Variants in LSAMP observed in about 807,000 individuals in gnomAD.
LSAMP encodes limbic system associated membrane protein.
In LSAMP, 7 loss-of-function variants were observed where a neutral mutation model predicts 38.6. The observed-to-expected ratio is 0.18, with a 90% CI of 0.10 to 0.34. LSAMP has a LOEUF of 0.34. Ranked by LOEUF, LSAMP falls within the 10% of genes least tolerant of loss-of-function variation. The pLI, the probability that LSAMP is intolerant of heterozygous loss-of-function variation, is 1.00. For missense variants in LSAMP, 313 were observed against 420.0 expected (o/e 0.75, Z 2.23); for synonymous variants, 154 against 166.8 (o/e 0.92, Z 0.59).
At chr3:116,087,067 A>G (rs992018703) in intron 1 of LSAMP, among the ~76,000 whole-genome samples, 1 of 152,208 alleles carries the variant, frequency 6.6e-6, no homozygotes, top group Admixed American at 6.5e-5. Context: ...TTGGGATGCC[A>G]CTTCCAGGAG....
rs538360906 is a variant in LSAMP, at chr3:115,856,157, T to TA, written c.515-3541dup. ...AGTTTGGCTCAGATTAGTCACTCCATAAATGTTTGTTGAGTTAGCTTGCTA... is the reference window on the plus strand; with the variant it reads ...AGTTTGGCTCAGATTAGTCACTCCATAAAATGTTTGTTGAGTTAGCTTGCTA... On this transcript the variant is annotated intron_variant, in intron 3 of 6. Transcript: ENST00000490035. 2.6e-3 allele frequency among the ~76,000 whole-genome samples: 391 copies of TA among 152,292 alleles called. 3 individuals carry two copies. The highest frequency in any genetic ancestry group is 4.5e-3 in the Non-Finnish European group (308 of 68,010).
At chr3:116,240,769 A>G (rs559353551) in intron 1 of LSAMP, among the ~76,000 whole-genome samples, 45 of 152,386 alleles carry the variant, frequency 3.0e-4, no homozygotes, top group Middle Eastern at 3.4e-3. Context: ...ATGAGAAGGC[A>G]ACAGTTTCAT....
intron 1 of LSAMP, among the ~76,000 whole-genome samples, chr3:116,194,185 A>G (rs1352316861): frequency 1.3e-5 from 2 of 152,124 alleles, no homozygotes; most frequent in African/African-American, 4.8e-5. Flanking sequence ...TTTCCATGTA[A>G]ACTAGTATAT....
intron 4 of LSAMP, among the ~76,000 whole-genome samples, chr3:115,847,475 A>G (rs1935195904): frequency 6.6e-6 from 1 of 152,192 alleles, no homozygotes; most frequent in Admixed American, 6.5e-5. Flanking sequence ...GGCCCAATAC[A>G]CCTTCCAATT....
At chr3:116,202,350 T>C (rs2045999025) in intron 1 of LSAMP, among the ~76,000 whole-genome samples, 2 of 152,158 alleles carry the variant, frequency 1.3e-5, no homozygotes, top group Admixed American at 1.3e-4. Flanking sequence ...GCCAGGCTAA[T>C]CTTGAACTCC....
intron 3 of LSAMP, among the ~76,000 whole-genome samples, chr3:115,861,734 T>C (rs1458131958): frequency 6.6e-6 from 1 of 152,240 alleles, no homozygotes; most frequent in Non-Finnish European, 1.5e-5. Flanking sequence ...AGTTCCATTC[T>C]AATATGGTTG....
chr3:116,129,010 C>T (rs1354960031), intron 1 of LSAMP, among the ~76,000 whole-genome samples: 3 of 152,014 alleles, frequency 2.0e-5, no homozygotes, highest in Admixed American at 2.0e-4. Flanking sequence ...TATAAAATCA[C>T]AAATAGACTG....
At chr3:115,910,606 T>C (rs370473667) in intron 3 of LSAMP, among the ~76,000 whole-genome samples, 27 of 152,316 alleles carry the variant, frequency 1.8e-4, no homozygotes, top group African/African-American at 6.5e-4. Flanking sequence ...TTAAAAAGCA[T>C]ATATTGAGCT....
At chr3:116,113,562 AC>A (rs1338035537) in intron 1 of LSAMP, among the ~76,000 whole-genome samples, 2 of 147,780 alleles carry the variant, frequency 1.4e-5, no homozygotes, top group Non-Finnish European at 3.0e-5. Flanking sequence ...AGTAGCTGGG[AC>A]TACAGGCGCC....
chr3:115,917,943 C>G (rs1468351890), intron 3 of LSAMP, among the ~76,000 whole-genome samples: 2 of 152,182 alleles, frequency 1.3e-5, no homozygotes, highest in African/African-American at 2.4e-5. Flanking sequence ...TTTCTGAAAG[C>G]ACCTCCTGTT....
At chr3:115,906,191 A>G (rs1290893471) in intron 3 of LSAMP, among the ~76,000 whole-genome samples, 1 of 152,172 alleles carries the variant, frequency 6.6e-6, no homozygotes. Context: ...AATGCATTTA[A>G]TGATGGAGTT....
chr3:116,218,803 G>A (rs1246136978), intron 1 of LSAMP, among the ~76,000 whole-genome samples: 6 of 152,066 alleles, frequency 3.9e-5, no homozygotes, highest in Admixed American at 3.3e-4. Context: ...GCATACCACC[G>A]TGCTGGGCTG....
chr3:116,336,346 A>G (rs1442935860), intron 1 of LSAMP, among the ~76,000 whole-genome samples: 3 of 152,088 alleles, frequency 2.0e-5, no homozygotes, highest in Non-Finnish European at 4.4e-5. Context: ...GGTAGAAAAT[A>G]CTTGCAATTC....
chr3:116,015,081 T>C (rs1940438459), intron 3 of LSAMP, among the ~76,000 whole-genome samples: 1 of 152,140 alleles, frequency 6.6e-6, no homozygotes, highest in Non-Finnish European at 1.5e-5. Flanking sequence ...AAGCACAATA[T>C]TTTCCCACTC....
chr3:116,037,941 T>C (rs1233915240), intron 2 of LSAMP, among the ~76,000 whole-genome samples: 1 of 152,138 alleles, frequency 6.6e-6, no homozygotes, highest in East Asian at 1.9e-4. Context: ...TGAATTTCCA[T>C]AGTCTCATGG....
chr3:115,912,693 T>C (rs1156300570), intron 3 of LSAMP, among the ~76,000 whole-genome samples: 2 of 152,236 alleles, frequency 1.3e-5, no homozygotes, highest in Non-Finnish European at 2.9e-5. Context: ...CTGTGGTATT[T>C]GGCTGGTCTA....
intron 1 of LSAMP, among the ~76,000 whole-genome samples, chr3:116,109,103 T>C (rs370347135): frequency 2.0e-5 from 3 of 152,164 alleles, no homozygotes; most frequent in Non-Finnish European, 4.4e-5. Flanking sequence ...AAACGAGTCA[T>C]GAACTGGGCT....
chr3:116,225,163 C>G (rs1344049447), intron 1 of LSAMP, among the ~76,000 whole-genome samples: 2 of 152,080 alleles, frequency 1.3e-5, no homozygotes, highest in Admixed American at 6.5e-5. Flanking sequence ...ATAAAAGTGA[C>G]TTTATTTGGA....
At chr3:116,425,345 T>A (rs1731607) in intron 1 of LSAMP, among the ~76,000 whole-genome samples, 1 of 151,922 alleles carries the variant, frequency 6.6e-6, no homozygotes, top group Admixed American at 6.5e-5. Context: ...GCAACAAATA[T>A]ACTTCATTCT....
Sources: gnomAD v4.1 joint callset for allele counts (sites outside exome capture counted in the v4.1 genomes callset) on GRCh38, gnomAD v4.1.1 for gene constraint, MANE v1.5 for transcripts, NCBI Gene and HGNC (gene_info 2026-07-23, HGNC 2026-07-21) for gene names.